Variants in REST observed in about 807,000 individuals in gnomAD.
REST encodes RE1 silencing transcription factor.
A neutral mutation model predicts 30.4 loss-of-function variants in REST; 1 was observed. That is an observed-to-expected ratio of 0.03 (90% CI 0.01 to 0.16). The LOEUF is 0.16. REST is among the 10% of genes least tolerant of loss of function. The pLI is 1.00. For missense variants in REST, 1,259 were observed against 1,329.5 expected (o/e 0.95, Z 0.82); for synonymous variants, 504 against 451.1 (o/e 1.12, Z -1.49).
intron 3 of REST, chr4:56,927,716 G>T: frequency 1.1e-6 from 1 of 906,774 alleles, no homozygotes; most frequent in South Asian, 1.7e-5. Context: ...TTGGGGGTGG[G>T]GGTTCTGGTT....
chr4:56,923,243 A>G lies in REST; in HGVS notation c.982+3373A>G, dbSNP rs151002675. Among the ~76,000 whole-genome samples the G allele has an allele frequency of 3.3e-5, 5 of 152,356 alleles. No homozygotes were observed. The East Asian group carries it at 7.7e-4, about 24-fold the overall frequency. On this transcript the variant is annotated intron_variant, in intron 3 of 3. Transcript: ENST00000309042. ...GATACTGAGTTTCAGATTACATATT[A>G]TAGGATACAAGCTCACAAATAAGTA...
intron 3 of REST, among the ~76,000 whole-genome samples, chr4:56,922,903 T>C (rs759875816): frequency 7.2e-5 from 11 of 152,260 alleles, no homozygotes; most frequent in Non-Finnish European, 1.5e-4. Flanking sequence ...ATTAATATAA[T>C]GTTAGGTCAC....
Position 56,910,613 on chromosome 4 carries a change from T to C in REST, c.-9-17T>C. The C allele has an allele frequency of 6.4e-7, 1 of 1,571,908 alleles. No homozygotes were observed. The highest frequency in any genetic ancestry group is 1.1e-5 in the South Asian group (1 of 86,968). On this transcript the variant is annotated splice_polypyrimidine_tract_variant and intron_variant, in intron 1 of 3. Coordinates refer to ENST00000309042, the MANE Select transcript of REST (RefSeq NM_005612.5). ...TGTTTAAACTGGTGCTCTTGTTTTG[T>C]TTTGTTTTTAATTCAGAATACAGTT...
chr4:56,911,064 T>C lies in REST; in HGVS notation c.426T>C (p.Pro142=), dbSNP rs771934923. The C allele has an allele frequency of 3.1e-6, 5 of 1,613,974 alleles. No homozygotes were observed. The highest frequency in any genetic ancestry group is 2.2e-5 in the East Asian group (1 of 44,900). Residue 142 remains proline (P), a synonymous_variant, in exon 2 of 4, where the codon CCT becomes CCC. Coordinates refer to ENST00000309042, the MANE Select transcript of REST (RefSeq NM_005612.5). The part of the protein sequence containing the change: ...DIYSSNKDLP[P]ETPGAEDKGK... ...ACAGTTCAAATAAAGATCTTCCCCC[T>C]GAAACACCTGGAGCGGAGGACAAAG...
At chr4:56,909,195 T>G (rs1719777775) in intron 1 of REST, 1 of 152,302 alleles carries the variant, frequency 6.6e-6, no homozygotes, top group Admixed American at 6.5e-5. Flanking sequence ...AGGACGAGTG[T>G]CGGGGCGACT....
At chr4:56,921,376 T>C (rs1398414860) in intron 3 of REST, among the ~76,000 whole-genome samples, 2 of 152,230 alleles carry the variant, frequency 1.3e-5, no homozygotes, top group African/African-American at 2.4e-5. Flanking sequence ...TTATAAAATA[T>C]GTACTTACCA....
intron 2 of REST, among the ~76,000 whole-genome samples, chr4:56,913,182 A>C (rs1196991661): frequency 6.6e-6 from 1 of 152,010 alleles, no homozygotes; most frequent in African/African-American, 2.4e-5. Flanking sequence ...TTATTGATTT[A>C]TTTGAGATGG....
At chr4:56,908,787 G>C (rs1308309217) in intron 1 of REST, 1 of 151,894 alleles carries the variant, frequency 6.6e-6, no homozygotes, top group Non-Finnish European at 1.5e-5. Context: ...TGGCCCCCGC[G>C]TCCGGCCACC....
intron 3 of REST, among the ~76,000 whole-genome samples, chr4:56,920,558 T>G (rs945339774): frequency 7.9e-5 from 12 of 151,880 alleles, no homozygotes; most frequent in Non-Finnish European, 1.5e-4. Context: ...GGCGGGGTAG[T>G]TTGAGACTAG....
chr4:56,926,993 A>G (rs536874913), intron 3 of REST, among the ~76,000 whole-genome samples: 120 of 152,000 alleles, frequency 7.9e-4, no homozygotes, highest in African/African-American at 2.8e-3. Flanking sequence ...CTACTAGGGA[A>G]GGTGAGGCAG....
chr4:56,910,850 GAC>G lies in REST; in HGVS notation c.214_215del (p.Gln72AspfsTer10). The G allele has an allele frequency of 6.2e-7, 1 of 1,614,218 alleles. No individual in the cohort carries two copies. Among genetic ancestry groups the G allele is most frequent in the Non-Finnish European group, 8.5e-7 (1 of 1,180,036 alleles). On this transcript the variant is annotated frameshift_variant, in exon 2 of 4. Transcript: ENST00000309042. LOFTEE classifies it high-confidence loss of function. ...TGTGATTACCTGGTCGGTGAAGAAA[GAC>G]AGATGGCAGAACTGATGCCGGTTGG...
In REST at chr4:56,933,672, C is replaced by A. The variant is rs1213963367; in HGVS notation, c.*1520C>A. On this transcript the variant is annotated 3_prime_UTR_variant, in exon 4 of 4. Coordinates refer to ENST00000309042, the MANE Select transcript of REST (RefSeq NM_005612.5). ...TGAGGGCACTTTGTATGAAAAAGGG[C>A]ATGTACTCCAAAACATTTTTGTAGG... 1 of 152,124 alleles carries A rather than the reference C, an allele frequency of 6.6e-6. No individual in the cohort carries two copies. The highest frequency in any genetic ancestry group is 1.5e-5 in the Non-Finnish European group (1 of 68,018). 9.4% of individuals were successfully genotyped at this position (152,124 alleles called of 1,614,324 possible). A position where few individuals can be genotyped will look rare whatever the true frequency, so the allele number is the denominator to read the frequency against.
Position 56,910,583 on chromosome 4 carries a change from A to G in REST, c.-9-47A>G, listed in dbSNP as rs1719848618. 2.7e-6 allele frequency: 4 copies of G among 1,474,306 alleles called. No individual in the cohort carries two copies. In the Admixed American group the frequency reaches 8.1e-5, roughly 30 times the overall value. The allele number at this position is 1,474,306 out of a possible 1,614,324, so 91.3% of individuals were successfully genotyped here. A position where few individuals can be genotyped will look rare whatever the true frequency, so the allele number is the denominator to read the frequency against. On this transcript the variant is annotated intron_variant, in intron 1 of 3. Coordinates refer to ENST00000309042, the MANE Select transcript of REST (RefSeq NM_005612.5). ...AGCGATGTGGTTTTAAGCCAGTAAC[A>G]GTAGTGTTTAAACTGGTGCTCTTGT...
chr4:56,911,594 GGTTA>G, intron 2 of REST, 58 bp downstream of exon 2: 2 of 1,403,754 alleles, frequency 1.4e-6, no homozygotes, highest in South Asian at 1.3e-5. Context: ...TTACTTGAGT[GGTTA>G]GTTAAGTAGT....
chr4:56,921,431 CAG>C (rs1374827930), intron 3 of REST, among the ~76,000 whole-genome samples: 2 of 152,018 alleles, frequency 1.3e-5, no homozygotes, highest in Non-Finnish European at 1.5e-5. Flanking sequence ...TCTGTTGAGA[CAG>C]AGTCTTGCTG....
At chr4:56,924,698 A>C (rs1338327337) in intron 3 of REST, among the ~76,000 whole-genome samples, 2 of 151,882 alleles carry the variant, frequency 1.3e-5, no homozygotes, top group Non-Finnish European at 2.9e-5. Context: ...CCTGGGCTCA[A>C]GCGATCCACT....
chr4:56,916,973 C>A (rs550822526), intron 2 of REST, among the ~76,000 whole-genome samples: 13 of 152,152 alleles, frequency 8.5e-5, no homozygotes, highest in Admixed American at 4.6e-4. Flanking sequence ...ACAATCCCAC[C>A]AGCAATGTGT....
chr4:56,912,556 C>T (rs1156353238), intron 2 of REST, among the ~76,000 whole-genome samples: 4 of 151,250 alleles, frequency 2.6e-5, no homozygotes, highest in Admixed American at 6.6e-5. Context: ...GCTCTGTTGT[C>T]GAGGCTGGAG....
intron 3 of REST, among the ~76,000 whole-genome samples, chr4:56,922,556 G>A (rs537873753): frequency 4.3e-4 from 65 of 151,928 alleles, no homozygotes; most frequent in African/African-American, 1.4e-3. Context: ...CAGGTGATCC[G>A]CCTGCCTCAG....
Sources: gnomAD v4.1 joint callset for allele counts (sites outside exome capture counted in the v4.1 genomes callset) on GRCh38, gnomAD v4.1.1 for gene constraint, MANE v1.5 for transcripts, NCBI Gene and HGNC (gene_info 2026-07-23, HGNC 2026-07-21) for gene names.